Variants in SGCZ observed in about 807,000 individuals in gnomAD.
The protein encoded by SGCZ is zeta-sarcoglycan.
In SGCZ, 40 loss-of-function variants were observed where a neutral mutation model predicts 41.3. That is an observed-to-expected ratio of 0.97 (90% CI 0.75 to 1.26). The LOEUF (loss-of-function observed/expected upper bound fraction) is 1.26, where lower values mean the gene tolerates loss of function less well. SGCZ is among the 50% of genes most tolerant of loss of function. The probability of loss-of-function intolerance (pLI) is 0.00; values close to 1 mark genes in which losing one functional copy is unlikely to be tolerated. For missense variants in SGCZ, 552 were observed against 369.8 expected (o/e 1.49, Z -4.04); for synonymous variants, 206 against 137.5 (o/e 1.50, Z -3.49).
At chr8:15,012,437 T>A (rs10112577) in intron 1 of SGCZ, among the ~76,000 whole-genome samples, 17,932 of 148,788 alleles carry the variant, frequency 0.12, 1,212 homozygotes, top group Admixed American at 0.21. Flanking sequence ...CACTCCAGCC[T>A]GGGTGACACA....
At chr8:14,374,698 A>G (rs1335064035) in intron 2 of SGCZ, among the ~76,000 whole-genome samples, 1 of 152,186 alleles carries the variant, frequency 6.6e-6, no homozygotes. Context: ...GCTTGGGAGT[A>G]GAGGTGCAGT....
intron 1 of SGCZ, among the ~76,000 whole-genome samples, chr8:15,140,810 A>C (rs1808292381): frequency 6.6e-6 from 1 of 152,154 alleles, no homozygotes; most frequent in Non-Finnish European, 1.5e-5. Flanking sequence ...TTCAAAATCC[A>C]TTCATTTCTA....
In SGCZ at chr8:15,175,330, G is replaced by A. The variant is rs535867937; in HGVS notation, c.39+62255C>T. Among the ~76,000 whole-genome samples the A allele has an allele frequency of 1.1e-4, 17 of 151,842 alleles. No individual in the cohort carries two copies. The South Asian group carries it at 2.3e-3, about 20-fold the overall frequency. Reference sequence around the variant, plus strand: ...GATAAAGAAAATGTGATACCTGTACGCCATAGATTACTATGCAGCCATAAA... The same window carrying A: ...GATAAAGAAAATGTGATACCTGTACACCATAGATTACTATGCAGCCATAAA... On this transcript the variant is annotated intron_variant, in intron 1 of 7. Coordinates refer to ENST00000382080, the MANE Select transcript of SGCZ (RefSeq NM_139167.4).
In SGCZ at chr8:14,180,548, C is replaced by T. The variant is rs547954871; in HGVS notation, c.425-15846G>A. Among the ~76,000 whole-genome samples, 8 of 151,170 alleles carry T rather than the reference C, an allele frequency of 5.3e-5. No individual in the cohort carries two copies. The East Asian group carries it at 1.4e-3, about 26-fold the overall frequency. On this transcript the variant is annotated intron_variant, in intron 4 of 7. Transcript: ENST00000382080. ...TCATATAACCCAACATGCGCAGTCT[C>T]ATTGAAGAAAAAAAAAATGACCTGT... is the stretch of plus-strand genomic sequence containing the variant.
At chr8:14,976,001 C>T (rs796448313) in intron 1 of SGCZ, among the ~76,000 whole-genome samples, 143 of 140,160 alleles carry the variant, frequency 1.0e-3, no homozygotes, top group Middle Eastern at 3.8e-3. Context: ...TATATATATA[C>T]ATATATATAT....
intron 1 of SGCZ, among the ~76,000 whole-genome samples, chr8:14,556,933 C>T (rs1447915928): frequency 6.6e-6 from 1 of 151,964 alleles, no homozygotes; most frequent in Non-Finnish European, 1.5e-5. Context: ...ACTTCTTTTA[C>T]TCTGGGTAGG....
intron 2 of SGCZ, among the ~76,000 whole-genome samples, chr8:14,374,608 C>A (rs539574328): frequency 6.6e-6 from 1 of 152,076 alleles, no homozygotes; most frequent in South Asian, 2.1e-4. Context: ...ACACGAAAAG[C>A]CTATTTAGGA....
chr8:14,827,700 T>C lies in SGCZ; in HGVS notation c.40-272774A>G, dbSNP rs181910028. Among the ~76,000 whole-genome samples, 998 of 152,276 alleles carry C rather than the reference T, an allele frequency of 6.6e-3. 1 individual carries two copies. The highest frequency in any genetic ancestry group is 0.01 in the Non-Finnish European group (711 of 68,026). On this transcript the variant is annotated intron_variant, in intron 1 of 7. Transcript: ENST00000382080. ...CCTTAAATATTTACTATCTAGCCCT[T>C]TACAGAAAGCATTTGCCAACCTCAA...
chr8:14,802,350 G>C (rs1289358869), intron 1 of SGCZ, among the ~76,000 whole-genome samples: 2 of 152,158 alleles, frequency 1.3e-5, no homozygotes, highest in Non-Finnish European at 2.9e-5. Flanking sequence ...ATAAAAATGT[G>C]TTCTTAACAA....
chr8:14,929,738 G>C (rs994773446), intron 1 of SGCZ, among the ~76,000 whole-genome samples: 6 of 151,954 alleles, frequency 3.9e-5, no homozygotes, highest in African/African-American at 1.5e-4. Context: ...ATGAATGCAG[G>C]TTTTCATGGG....
chr8:14,220,418 A>C (rs1563193527), intron 4 of SGCZ, among the ~76,000 whole-genome samples: 1 of 152,212 alleles, frequency 6.6e-6, no homozygotes, highest in Non-Finnish European at 1.5e-5. Flanking sequence ...TGAGAGTAGT[A>C]ACTGAGAGAA....
intron 2 of SGCZ, among the ~76,000 whole-genome samples, chr8:14,517,246 C>T (rs1802649594): frequency 6.6e-6 from 1 of 152,024 alleles, no homozygotes; most frequent in Non-Finnish European, 1.5e-5. Context: ...AAGAACTTAT[C>T]ATAAGAACAT....
intron 2 of SGCZ, among the ~76,000 whole-genome samples, chr8:14,533,011 A>ATTG (rs1803181868): frequency 1.3e-5 from 2 of 151,932 alleles, no homozygotes; most frequent in Non-Finnish European, 2.9e-5. Flanking sequence ...TATTATTATT[A>ATTG]TACTTTAAGT....
intron 1 of SGCZ, among the ~76,000 whole-genome samples, chr8:14,926,208 G>A (rs982573925): frequency 1.5e-4 from 23 of 151,960 alleles, no homozygotes; most frequent in Non-Finnish European, 1.8e-4. Context: ...ATATATGCAT[G>A]TTCTTATACT....
At chr8:15,211,996 T>C (rs1231600371) in intron 1 of SGCZ, among the ~76,000 whole-genome samples, 1 of 152,168 alleles carries the variant, frequency 6.6e-6, no homozygotes, top group Non-Finnish European at 1.5e-5. Flanking sequence ...AATGAAATGT[T>C]ATCAGATAAG....
At chr8:14,873,549 G>A (rs1585337878) in intron 1 of SGCZ, among the ~76,000 whole-genome samples, 1 of 152,050 alleles carries the variant, frequency 6.6e-6, no homozygotes, top group East Asian at 1.9e-4. Context: ...GAGATCAAGA[G>A]TAGCCGTTAC....
intron 1 of SGCZ, among the ~76,000 whole-genome samples, chr8:15,172,868 A>G (rs1799886033): frequency 6.6e-6 from 1 of 152,260 alleles, no homozygotes; most frequent in African/African-American, 2.4e-5. Context: ...GGGTTGTTCT[A>G]TTGATGTATA....
chr8:14,871,290 G>A (rs960122478), intron 1 of SGCZ, among the ~76,000 whole-genome samples: 1 of 152,132 alleles, frequency 6.6e-6, no homozygotes, highest in South Asian at 2.1e-4. Context: ...GTTGGTGGGA[G>A]TGTAAATTAT....
chr8:14,511,379 G>T (rs1802464600), intron 2 of SGCZ, among the ~76,000 whole-genome samples: 1 of 151,958 alleles, frequency 6.6e-6, no homozygotes, highest in African/African-American at 2.4e-5. Context: ...CCACTGCACA[G>T]AGAGATGATT....
Sources: allele counts gnomAD v4.1 joint callset (sites outside exome capture counted in the v4.1 genomes callset), GRCh38; gene constraint gnomAD v4.1.1; transcripts MANE v1.5; gene names NCBI Gene and HGNC (gene_info 2026-07-23, HGNC 2026-07-21).